The following WASF2 variants were observed in gnomAD, a reference collection of about 807,000 sequenced individuals.
WASF2 encodes the protein actin-binding protein WASF2.
In WASF2, 14 loss-of-function variants were observed where a neutral mutation model predicts 45.0. The ratio of observed to expected loss-of-function variants is 0.31; its 90% CI spans 0.21 to 0.49. The LOEUF (loss-of-function observed/expected upper bound fraction) is 0.49, where lower values mean the gene tolerates loss of function less well. Ranked by LOEUF, WASF2 falls within the 20% of genes least tolerant of loss-of-function variation. WASF2 has a pLI of 0.99. For missense variants in WASF2, 439 were observed against 636.1 expected (o/e 0.69, Z 3.33); for synonymous variants, 200 against 236.3 (o/e 0.85, Z 1.41).
chr1:27,432,788 A>G (rs2017084355), intron 1 of WASF2, among the ~76,000 whole-genome samples: 1 of 151,982 alleles, frequency 6.6e-6, no homozygotes, highest in Non-Finnish European at 1.5e-5. Flanking sequence ...TCTGTCACCC[A>G]GGCCTCACTC....
At chr1:27,469,336 T>C (rs1301695018) in intron 1 of WASF2, among the ~76,000 whole-genome samples, 1 of 152,230 alleles carries the variant, frequency 6.6e-6, no homozygotes, top group Non-Finnish European at 1.5e-5. Context: ...AAATTTTCTA[T>C]ACTTTTCTAA....
chr1:27,418,170 T>A, intron 4 of WASF2, 99 bp downstream of exon 4: 3 of 1,384,352 alleles, frequency 2.2e-6, no homozygotes, highest in Non-Finnish European at 2.9e-6. Context: ...AGTAAGCTTT[T>A]AGATACAATC....
chr1:27,426,662 C>A (rs1010450826), intron 2 of WASF2, among the ~76,000 whole-genome samples: 3 of 151,972 alleles, frequency 2.0e-5, no homozygotes, highest in Non-Finnish European at 2.9e-5. Context: ...AGGTGTGTGA[C>A]AACATACCTG....
At chr1:27,461,611 C>T (rs1330928518) in intron 1 of WASF2, among the ~76,000 whole-genome samples, 2 of 151,780 alleles carry the variant, frequency 1.3e-5, no homozygotes, top group Non-Finnish European at 1.5e-5. Context: ...TACAGGCGCC[C>T]GCCACCACGC....
chr1:27,426,620 C>T (rs1203609281), intron 2 of WASF2, among the ~76,000 whole-genome samples: 5 of 151,632 alleles, frequency 3.3e-5, no homozygotes, highest in African/African-American at 4.8e-5. Context: ...AAGCGATTCT[C>T]GTGCCTTAGC....
chr1:27,422,679 T>A (rs1173845449), intron 2 of WASF2, among the ~76,000 whole-genome samples: 2 of 151,770 alleles, frequency 1.3e-5, no homozygotes, highest in Non-Finnish European at 2.9e-5. Flanking sequence ...TATACTCGTG[T>A]ACTCATCAGC....
intron 1 of WASF2, among the ~76,000 whole-genome samples, chr1:27,449,538 G>A (rs1380941423): frequency 6.6e-6 from 1 of 151,872 alleles, no homozygotes; most frequent in African/African-American, 2.4e-5. Context: ...GGCGGAGGTT[G>A]CAGTGAGCTG....
At chr1:27,440,271 C>T (rs2017191709) in intron 1 of WASF2, among the ~76,000 whole-genome samples, 2 of 152,178 alleles carry the variant, frequency 1.3e-5, no homozygotes, top group African/African-American at 4.8e-5. Context: ...TGCCTATAAT[C>T]CCAGCACCTT....
chr1:27,464,538 G>T (rs898156439), intron 1 of WASF2, among the ~76,000 whole-genome samples: 4 of 152,026 alleles, frequency 2.6e-5, no homozygotes, highest in South Asian at 4.2e-4. Flanking sequence ...ATAAATTAAA[G>T]CTCAAAGAGG....
intron 1 of WASF2, among the ~76,000 whole-genome samples, chr1:27,467,174 A>G (rs1197901352): frequency 3.4e-5 from 5 of 148,802 alleles, no homozygotes; most frequent in Non-Finnish European, 1.5e-5. Flanking sequence ...AGATAATGCC[A>G]CACTGCACTA....
chr1:27,426,613 C>A (rs1420328760), intron 2 of WASF2, among the ~76,000 whole-genome samples: 1 of 151,604 alleles, frequency 6.6e-6, no homozygotes, highest in Non-Finnish European at 1.5e-5. Flanking sequence ...CGGATTCAAG[C>A]GATTCTCGTG....
chr1:27,463,622 C>CAAAAA (rs998488815), intron 1 of WASF2, among the ~76,000 whole-genome samples: 1 of 41,880 alleles, frequency 2.4e-5, no homozygotes, highest in African/African-American at 9.3e-5. Context: ...GACTCTGTCT[C>CAAAAA]AAAAAAAAAA....
intron 1 of WASF2, among the ~76,000 whole-genome samples, chr1:27,477,190 T>A (rs2017777255): frequency 6.6e-6 from 1 of 152,146 alleles, no homozygotes; most frequent in African/African-American, 2.4e-5. Context: ...TAGAAAGATA[T>A]CACAGAAGAC....
At chr1:27,480,536 T>C (rs933649367) in intron 1 of WASF2, among the ~76,000 whole-genome samples, 6 of 149,706 alleles carry the variant, frequency 4.0e-5, no homozygotes, top group Non-Finnish European at 3.0e-5. Flanking sequence ...AAAATAAAAA[T>C]AAAATAAAAT....
Position 27,460,077 on chromosome 1 carries a change from A to G in WASF2, c.-44+29909T>C, listed in dbSNP as rs2017524253. Among the ~76,000 whole-genome samples the G allele has an allele frequency of 2.6e-5, 4 of 152,200 alleles. 1 individual carries two copies. Among genetic ancestry groups the G allele is most frequent in the South Asian group, 4.1e-4 (2 of 4,832 alleles). Reference sequence around the variant, plus strand: ...ATTAACACAGCCTCTAGTACCATACAATAAGGTTATTTCCAAGTATCTATA... The same window carrying G: ...ATTAACACAGCCTCTAGTACCATACGATAAGGTTATTTCCAAGTATCTATA... On this transcript the variant is annotated intron_variant, in intron 1 of 8. Transcript: ENST00000618852.
At chr1:27,442,773 T>C (rs1344911298) in intron 1 of WASF2, among the ~76,000 whole-genome samples, 1 of 150,960 alleles carries the variant, frequency 6.6e-6, no homozygotes, top group Admixed American at 6.6e-5. Context: ...GGGGCCGAGG[T>C]GGGCGGATCA....
intron 1 of WASF2, among the ~76,000 whole-genome samples, chr1:27,441,915 A>C: frequency 7.2e-6 from 1 of 139,410 alleles, no homozygotes; most frequent in African/African-American, 2.7e-5. Context: ...ACACAACGAG[A>C]CTCCATCTCA....
chr1:27,471,366 G>T (rs75811283), intron 1 of WASF2, among the ~76,000 whole-genome samples: 2 of 128,388 alleles, frequency 1.6e-5, no homozygotes, highest in Non-Finnish European at 3.2e-5. Flanking sequence ...AAAAAAAAAA[G>T]AGTAGGCTGT....
At position 27,411,880 on chromosome 1, in the gene WASF2, TAAATA is replaced by T. The variant is rs1263733832; in HGVS notation, c.824+687_824+691del. On this transcript the variant is annotated intron_variant, in intron 7 of 8. Coordinates refer to ENST00000618852, the MANE Select transcript of WASF2 (RefSeq NM_006990.5). ...TCCGTCTCAAAAATAAATAAATAAGTAAATAAAATAAAGTTAAGGAAAAAACAAGA... is the reference window on the plus strand; with the variant it reads ...TCCGTCTCAAAAATAAATAAATAAGTAAATAAAGTTAAGGAAAAAACAAGA... Among the ~76,000 whole-genome samples the T allele has an allele frequency of 3.3e-5, 5 of 152,166 alleles. No individual in the cohort carries two copies. In the East Asian group the frequency reaches 9.7e-4, roughly 29 times the overall value.
Sources: allele counts gnomAD v4.1 joint callset (sites outside exome capture counted in the v4.1 genomes callset), GRCh38; gene constraint gnomAD v4.1.1; transcripts MANE v1.5; gene names NCBI Gene and HGNC (gene_info 2026-07-23, HGNC 2026-07-21).